Variants in KCNIP4 observed in about 807,000 individuals in gnomAD.
KCNIP4 encodes the protein Kv channel-interacting protein 4.
In KCNIP4, 12 loss-of-function variants were observed where a neutral mutation model predicts 34.0. The ratio of observed to expected loss-of-function variants is 0.35; its 90% confidence interval spans 0.23 to 0.57. The LOEUF (loss-of-function observed/expected upper bound fraction) is 0.57. Among genes scored for constraint, KCNIP4 ranks in the 20% least tolerant of loss-of-function variants. The pLI is 0.83. For missense variants in KCNIP4, 238 were observed against 311.7 expected (o/e 0.76, Z 1.78); for synonymous variants, 124 against 102.2 (o/e 1.21, Z -1.29).
At position 20,909,447 on chromosome 4, in the gene KCNIP4, C is replaced by T. The variant is rs139907834; in HGVS notation, c.62-26738G>A. ...ACCCCAGCATCTTGAGATTTTATAA[C>T]ACACACAACTGTCGACTGCATTGCT... On this transcript the variant is annotated intron_variant, in intron 1 of 8. Coordinates refer to ENST00000382152, the MANE Select transcript of KCNIP4 (RefSeq NM_025221.6). Among the ~76,000 whole-genome samples, 950 of 152,212 alleles carry T rather than the reference C, an allele frequency of 6.2e-3. 4 individuals carry two copies. The highest frequency in any genetic ancestry group is 0.011 in the Non-Finnish European group (736 of 68,020).
intron 1 of KCNIP4, among the ~76,000 whole-genome samples, chr4:21,197,636 C>T (rs1756151289): frequency 6.6e-6 from 1 of 151,700 alleles, no homozygotes; most frequent in Non-Finnish European, 1.5e-5. Context: ...ATATATTAAT[C>T]AGTAGTCACA....
At chr4:21,766,172 A>G (rs1718405389) in intron 1 of KCNIP4, among the ~76,000 whole-genome samples, 1 of 152,174 alleles carries the variant, frequency 6.6e-6, no homozygotes, top group Non-Finnish European at 1.5e-5. Flanking sequence ...GGCCTGAACA[A>G]TACATTATTT....
chr4:21,802,246 T>C (rs1721046476), intron 1 of KCNIP4, among the ~76,000 whole-genome samples: 1 of 152,128 alleles, frequency 6.6e-6, no homozygotes, highest in Admixed American at 6.5e-5. Flanking sequence ...ATATTTAGTA[T>C]GAATAGAGTT....
chr4:21,678,996 G>T (rs1465265569), intron 1 of KCNIP4, among the ~76,000 whole-genome samples: 1 of 152,022 alleles, frequency 6.6e-6, no homozygotes, highest in Non-Finnish European at 1.5e-5. Flanking sequence ...GAGATACCAG[G>T]AGCACACAAG....
At chr4:21,798,379 C>T (rs1720757226) in intron 1 of KCNIP4, among the ~76,000 whole-genome samples, 1 of 124,606 alleles carries the variant, frequency 8.0e-6, no homozygotes, top group Non-Finnish European at 1.8e-5. Context: ...TGGCGGAACC[C>T]CGTTTCCACA....
intron 1 of KCNIP4, among the ~76,000 whole-genome samples, chr4:20,887,558 G>C (rs35794367): frequency 0.053 from 8,018 of 152,094 alleles, 312 homozygotes; most frequent in Non-Finnish European, 0.084. Context: ...TTTTCATCAA[G>C]AACAGCAGAA....
At chr4:21,170,909 T>C (rs1753978184) in intron 1 of KCNIP4, among the ~76,000 whole-genome samples, 1 of 152,178 alleles carries the variant, frequency 6.6e-6, no homozygotes, top group South Asian at 2.1e-4. Context: ...TATCTCCAAG[T>C]ACTATATTTA....
At position 20,734,743 on chromosome 4, in the gene KCNIP4, G is replaced by C; in HGVS notation, c.430-8C>G. The C allele has an allele frequency of 6.7e-7, 1 of 1,490,810 alleles. No individual in the cohort carries two copies. 92.3% of individuals were successfully genotyped at this position (1,490,810 alleles called of 1,614,324 possible). A position where few individuals can be genotyped will look rare whatever the true frequency, so the allele number is the denominator to read the frequency against. The stretch of plus-strand genomic sequence containing the variant: ...AAGACCTTTGATGAAATCCTGAAAA[G>C]AAATAAAAATTCAATTTTATATGAC... On this transcript the variant is annotated splice_polypyrimidine_tract_variant and splice_region_variant and intron_variant, in intron 5 of 8. Coordinates refer to ENST00000382152, the MANE Select transcript of KCNIP4 (RefSeq NM_025221.6).
At chr4:21,842,483 C>T (rs549206630) in intron 1 of KCNIP4, among the ~76,000 whole-genome samples, 33 of 151,996 alleles carry the variant, frequency 2.2e-4, no homozygotes, top group Admixed American at 7.2e-4. Context: ...GGTAACAGTA[C>T]GCAATGTTGT....
At chr4:21,803,423 A>C (rs1721115266) in intron 1 of KCNIP4, among the ~76,000 whole-genome samples, 1 of 152,178 alleles carries the variant, frequency 6.6e-6, no homozygotes, top group African/African-American at 2.4e-5. Flanking sequence ...TTCTTCACAC[A>C]ACATCCAAAA....
chr4:20,812,085 A>G (rs1250693298), intron 3 of KCNIP4, among the ~76,000 whole-genome samples: 1 of 152,178 alleles, frequency 6.6e-6, no homozygotes, highest in African/African-American at 2.4e-5. Flanking sequence ...GTAAGTACAG[A>G]TTATTGATTA....
chr4:21,834,775 T>C (rs13131148), intron 1 of KCNIP4, among the ~76,000 whole-genome samples: 55,976 of 150,310 alleles, frequency 0.37, 11,435 homozygotes, highest in East Asian at 0.65. Context: ...CCATCAATAC[T>C]TAATTTATTG....
At chr4:21,104,438 G>A (rs566415265) in intron 1 of KCNIP4, among the ~76,000 whole-genome samples, 22 of 152,202 alleles carry the variant, frequency 1.4e-4, no homozygotes, top group African/African-American at 5.3e-4. Flanking sequence ...TTTTGATGGG[G>A]TTGTTTGTTT....
At position 20,997,890 on chromosome 4, in the gene KCNIP4, C is replaced by T. The variant is rs538009289; in HGVS notation, c.62-115181G>A. 1.6e-4 allele frequency among the ~76,000 whole-genome samples: 25 copies of T among 152,224 alleles called. 1 individual carries two copies. The highest frequency in any genetic ancestry group is 5.5e-4 in the African/African-American group (23 of 41,536). ...GCCATACAGCTGCTTCAAGTCACCT[C>T]GGGTGAAATTGAAAACAGGAACGTG... On this transcript the variant is annotated intron_variant, in intron 1 of 8. Coordinates refer to ENST00000382152, the MANE Select transcript of KCNIP4 (RefSeq NM_025221.6).
intron 3 of KCNIP4, among the ~76,000 whole-genome samples, chr4:20,788,814 C>T (rs907659807): frequency 6.6e-6 from 1 of 152,082 alleles, no homozygotes; most frequent in African/African-American, 2.4e-5. Flanking sequence ...GAAAATTACA[C>T]CTTCTCAGCC....
intron 1 of KCNIP4, among the ~76,000 whole-genome samples, chr4:21,467,323 A>G (rs1309328695): frequency 2.0e-5 from 3 of 152,174 alleles, no homozygotes; most frequent in Non-Finnish European, 4.4e-5. Flanking sequence ...TTCCAAAAAT[A>G]TATAATAAAT....
chr4:21,123,386 T>TTTTTTGAA (rs1750338691), intron 1 of KCNIP4, among the ~76,000 whole-genome samples: 2 of 152,188 alleles, frequency 1.3e-5, no homozygotes, highest in Admixed American at 6.5e-5. Context: ...TTCAAAATTA[T>TTTTTTGAA]CTTTTTCTGA....
intron 1 of KCNIP4, among the ~76,000 whole-genome samples, chr4:21,290,857 G>T (rs1763406568): frequency 6.6e-6 from 1 of 152,198 alleles, no homozygotes; most frequent in South Asian, 2.1e-4. Flanking sequence ...AGATGTAAGA[G>T]CACATTACCG....
intron 1 of KCNIP4, among the ~76,000 whole-genome samples, chr4:21,356,210 T>C (rs1718575824): frequency 6.6e-6 from 1 of 152,076 alleles, no homozygotes; most frequent in Admixed American, 6.6e-5. Context: ...CCACAGCAAA[T>C]ATCATACTGA....
Sources: gnomAD v4.1 joint callset for allele counts (sites outside exome capture counted in the v4.1 genomes callset) on GRCh38, gnomAD v4.1.1 for gene constraint, MANE v1.5 for transcripts, NCBI Gene and HGNC (gene_info 2026-07-23, HGNC 2026-07-21) for gene names.